VPS13C: variants seen among roughly 807,000 people sequenced by gnomAD.
The protein encoded by VPS13C is intermembrane lipid transfer protein VPS13C.
In VPS13C, 358 loss-of-function variants were observed where a neutral mutation model predicts 456.8. The observed-to-expected ratio is 0.78, with a 90% CI of 0.72 to 0.86. The LOEUF (loss-of-function observed/expected upper bound fraction) is 0.86, where lower values mean the gene tolerates loss of function less well. Among genes scored for constraint, VPS13C ranks in the 40% least tolerant of loss-of-function variants. The probability of loss-of-function intolerance (pLI) is 0.00; values close to 1 mark genes in which losing one functional copy is unlikely to be tolerated. For synonymous variants in VPS13C, 1,578 were observed against 1,486.7 expected, an observed-to-expected ratio of 1.06 and a Z score of -1.41; for missense variants, 4,818 against 4,385.4, an observed-to-expected ratio of 1.10 and a Z score of -2.79.
In VPS13C at chr15:61,903,323, G is replaced by A. The variant is rs139025712; in HGVS notation, c.9105+3941C>T. Among the ~76,000 whole-genome samples, 160 of 151,226 alleles carry A rather than the reference G, an allele frequency of 1.1e-3. 2 individuals are homozygous for A. Among genetic ancestry groups the A allele is most frequent in the East Asian group, 6.6e-3 (34 of 5,142 alleles). On this transcript the variant is annotated intron_variant, in intron 66 of 84. Transcript: ENST00000644861. Reference sequence around the variant, plus strand: ...TGCACTCCAGCCCAGGTGACAGAGCGAGACCCTGTCTCCAAAAAAAAAAAT... The same window carrying A: ...TGCACTCCAGCCCAGGTGACAGAGCAAGACCCTGTCTCCAAAAAAAAAAAT...
chr15:62,040,346 T>C (rs1040520068), intron 3 of VPS13C, among the ~76,000 whole-genome samples: 5 of 152,078 alleles, frequency 3.3e-5, no homozygotes, highest in Non-Finnish European at 7.4e-5. Flanking sequence ...TAACTAAGAG[T>C]ATTAATTACA....
chr15:61,921,863 A>G (rs1406950584), intron 55 of VPS13C, 84 bp downstream of exon 55: 2 of 1,406,046 alleles, frequency 1.4e-6, no homozygotes, highest in Non-Finnish European at 9.9e-7. Flanking sequence ...ATCCTAGACC[A>G]CATCTTAAGA....
intron 77 of VPS13C, 89 bp downstream of exon 77, chr15:61,874,787 T>A: frequency 8.3e-7 from 1 of 1,199,886 alleles, no homozygotes; most frequent in Non-Finnish European, 1.1e-6. Context: ...CCCTCCTTTA[T>A]TAAATAAAAG....
chr15:62,014,018 G>GA, intron 9 of VPS13C, 26 bp from the exon 10 acceptor site: 1 of 1,578,362 alleles, frequency 6.3e-7, no homozygotes, highest in Non-Finnish European at 8.7e-7. Flanking sequence ...GAATACCTGT[G>GA]AAACGTGGTA....
rs565054673 is a variant in VPS13C, at chr15:61,875,911, G to GA, written c.10225-67dup. Reference sequence around the variant, plus strand: ...TTGTAAGAAACATCATAATGAAATAGAAAAAAAGAGATTTACTGATAAAAT... The same window carrying GA: ...TTGTAAGAAACATCATAATGAAATAGAAAAAAAAGAGATTTACTGATAAAAT... On this transcript the variant is annotated intron_variant, in intron 75 of 84. Coordinates refer to ENST00000644861, the MANE Select transcript of VPS13C (RefSeq NM_020821.3). 1.6e-4 allele frequency: 170 copies of GA among 1,070,668 alleles called. No homozygotes were observed. The Admixed American group carries it at 1.7e-3, about 11-fold the overall frequency. The allele number at this position is 1,070,668 out of a possible 1,614,324, so 66.3% of individuals were successfully genotyped here.
At chr15:61,869,417 G>A (rs1894848412) in intron 80 of VPS13C, 83 bp downstream of exon 80, 5 of 1,456,892 alleles carry the variant, frequency 3.4e-6, no homozygotes, top group Non-Finnish European at 4.7e-6. Flanking sequence ...TTAGGAGCAG[G>A]CAAATAATCT....
intron 71 of VPS13C, among the ~76,000 whole-genome samples, 184 bp from the exon 72 acceptor site, chr15:61,881,138 A>G (rs1895819867): frequency 6.6e-6 from 1 of 152,120 alleles, no homozygotes; most frequent in Non-Finnish European, 1.5e-5. Context: ...GCTTCACTCA[A>G]GGTAATACTG....
chr15:62,013,404 T>C (rs1224605027), intron 10 of VPS13C, among the ~76,000 whole-genome samples: 2 of 151,690 alleles, frequency 1.3e-5, no homozygotes, highest in African/African-American at 4.8e-5. Flanking sequence ...ACAGACCCTG[T>C]AAATATTTTG....
chr15:61,932,060 GATTAA>G (rs1164962553), intron 49 of VPS13C, among the ~76,000 whole-genome samples: 5 of 152,160 alleles, frequency 3.3e-5, no homozygotes, highest in Admixed American at 6.5e-5. Context: ...AGTTGTAAAT[GATTAA>G]ATATTTTGTG....
At chr15:61,884,096 A>G (rs1384549230) in intron 68 of VPS13C, 32 bp downstream of exon 68, 4 of 1,564,420 alleles carry the variant, frequency 2.6e-6, no homozygotes, top group Admixed American at 4.1e-5. Flanking sequence ...AAATACACAT[A>G]TAAAAATCAA....
rs757293250 is a variant in VPS13C, at chr15:62,010,604, C to A, written c.884-5G>T. The A allele has an allele frequency of 1.5e-5, 24 of 1,608,328 alleles. No individual in the cohort carries two copies. Among genetic ancestry groups the A allele is most frequent in the Non-Finnish European group, 2.0e-5 (24 of 1,177,836 alleles). On this transcript the variant is annotated splice_polypyrimidine_tract_variant and splice_region_variant and intron_variant, in intron 12 of 84. Transcript: ENST00000644861. ...AGGCTGATATTGGCTGGAAAACTTA[C>A]ATCACATGGGAAGACATAAGATATG...
intron 47 of VPS13C, among the ~76,000 whole-genome samples, chr15:61,937,907 G>T (rs764232917): frequency 2.6e-5 from 4 of 152,102 alleles, no homozygotes; most frequent in Non-Finnish European, 5.9e-5. Flanking sequence ...TCTACCTTAT[G>T]TAAGACACAG....
intron 22 of VPS13C, among the ~76,000 whole-genome samples, chr15:61,980,359 G>A (rs1236967896): frequency 6.6e-6 from 1 of 152,126 alleles, no homozygotes; most frequent in African/African-American, 2.4e-5. Flanking sequence ...AGTTTTTGGG[G>A]ATGCTCCAGG....
intron 15 of VPS13C, among the ~76,000 whole-genome samples, chr15:62,001,700 G>C (rs895538653): frequency 3.9e-5 from 6 of 152,104 alleles, no homozygotes; most frequent in Non-Finnish European, 8.8e-5. Flanking sequence ...CCCAGAGTGT[G>C]ATGTTCCCCT....
At chr15:62,003,914 C>T (rs1264070713) in intron 15 of VPS13C, among the ~76,000 whole-genome samples, 8 of 151,354 alleles carry the variant, frequency 5.3e-5, no homozygotes, top group South Asian at 4.2e-4. Context: ...CTGCTGGATT[C>T]GGTTTGCCAG....
At chr15:61,978,815 T>C (rs939406171) in intron 22 of VPS13C, 66 bp from the exon 23 acceptor site, 5 of 1,493,138 alleles carry the variant, frequency 3.3e-6, no homozygotes, top group Non-Finnish European at 4.5e-6. Context: ...CAACATACTT[T>C]AGTTAGGTTT....
At chr15:61,943,958 C>T (rs2044519372) in intron 45 of VPS13C, among the ~76,000 whole-genome samples, 1 of 148,570 alleles carries the variant, frequency 6.7e-6, no homozygotes, top group Non-Finnish European at 1.5e-5. Flanking sequence ...AAAAACAAAT[C>T]CCATTTAAAA....
At chr15:61,868,602 G>A in intron 81 of VPS13C, 57 bp downstream of exon 81, 1 of 1,459,200 alleles carries the variant, frequency 6.9e-7, no homozygotes. Context: ...AGGAAATCCT[G>A]GGCCTAGAAA....
chr15:61,946,925 T>C, intron 43 of VPS13C, among the ~76,000 whole-genome samples: 1 of 152,094 alleles, frequency 6.6e-6, no homozygotes, highest in East Asian at 1.9e-4. Flanking sequence ...CCAAAAAAAA[T>C]TTGTCATTCT....
Sources: allele counts gnomAD v4.1 joint callset (sites outside exome capture counted in the v4.1 genomes callset), GRCh38; gene constraint gnomAD v4.1.1; transcripts MANE v1.5; gene names NCBI Gene and HGNC (gene_info 2026-07-23, HGNC 2026-07-21).